SCHIP1: variants seen among roughly 807,000 people sequenced by gnomAD.
SCHIP1 encodes schwannomin interacting protein 1, also known as schwannomin-interacting protein 1.
A neutral mutation model predicts 29.7 loss-of-function variants in SCHIP1; 8 were observed. The observed-to-expected ratio is 0.27, with a 90% confidence interval of 0.16 to 0.49. SCHIP1 has a LOEUF of 0.49. Ranked by LOEUF, SCHIP1 falls within the 20% of genes least tolerant of loss-of-function variation. The probability of loss-of-function intolerance (pLI) is 0.99; values close to 1 mark genes in which losing one functional copy is unlikely to be tolerated. For synonymous variants in SCHIP1, 76 were observed against 94.9 expected, an observed-to-expected ratio of 0.80 and a Z score of 1.16; for missense variants, 193 against 294.6, an observed-to-expected ratio of 0.66 and a Z score of 2.52.
the SCHIP1 span, among the ~76,000 whole-genome samples, chr3:159,696,317 A>G: frequency 1.3e-5 from 2 of 152,092 alleles, no homozygotes; most frequent in African/African-American, 4.8e-5. Flanking sequence ...ATTATCTCAC[A>G]TACACTGACT....
At chr3:159,594,892 G>A in the SCHIP1 span, among the ~76,000 whole-genome samples, 2 of 152,162 alleles carry the variant, frequency 1.3e-5, no homozygotes, top group African/African-American at 2.4e-5. Flanking sequence ...CTGTAGAGAT[G>A]AAAACTGGGA....
the SCHIP1 span, among the ~76,000 whole-genome samples, chr3:159,484,680 G>GA: frequency 2.5e-4 from 38 of 150,772 alleles, no homozygotes; most frequent in Admixed American, 1.3e-3. Flanking sequence ...CTTCTGTGAG[G>GA]AAAAAAAAAC....
At chr3:159,334,125 G>C in the SCHIP1 span, among the ~76,000 whole-genome samples, 2 of 152,074 alleles carry the variant, frequency 1.3e-5, no homozygotes, top group African/African-American at 4.8e-5. Context: ...AAAGCCACAA[G>C]AAAATATGTC....
chr3:159,849,457 AC>A lies in SCHIP1; in HGVS notation c.30+9244del, dbSNP rs1170465383. ...TCGATTATAGGTTTCTAAGTGGACT[AC>A]GACATTAACCCAGATAAGAATGAAA... On this transcript the variant is annotated intron_variant, in intron 1 of 6. Coordinates refer to ENST00000445224, the Ensembl canonical transcript of SCHIP1. Among the ~76,000 whole-genome samples, 4 of 152,334 alleles carry A rather than the reference AC, an allele frequency of 2.6e-5. No individual in the cohort carries two copies. In the East Asian group the frequency reaches 7.7e-4, roughly 29 times the overall value.
the SCHIP1 span, among the ~76,000 whole-genome samples, chr3:159,744,857 C>T: frequency 2.0e-4 from 31 of 152,234 alleles, no homozygotes; most frequent in East Asian, 1.4e-3. Flanking sequence ...TGGTGGCAGG[C>T]GCCTGTAGTC....
the SCHIP1 span, among the ~76,000 whole-genome samples, chr3:159,788,163 A>T: frequency 6.6e-6 from 1 of 152,110 alleles, no homozygotes; most frequent in Non-Finnish European, 1.5e-5. Flanking sequence ...GGGAGTAGAG[A>T]TGAGTGTCGG....
the SCHIP1 span, among the ~76,000 whole-genome samples, chr3:159,471,468 A>G: frequency 6.6e-6 from 1 of 152,130 alleles, no homozygotes; most frequent in East Asian, 1.9e-4. Flanking sequence ...TTACATATCA[A>G]CTTTAGATAA....
At chr3:159,767,463 G>A in the SCHIP1 span, among the ~76,000 whole-genome samples, 1 of 152,154 alleles carries the variant, frequency 6.6e-6, no homozygotes, top group African/African-American at 2.4e-5. Context: ...GACAGAAACC[G>A]GAGAAGAACA....
At chr3:159,837,593 C>T (rs528167952), upstream of SCHIP1, among the ~76,000 whole-genome samples, 31 of 152,134 alleles carry the variant, frequency 2.0e-4, no homozygotes, top group South Asian at 1.9e-3. Flanking sequence ...CGTGGTGGTG[C>T]GCCCCTGTAG....
the SCHIP1 span, among the ~76,000 whole-genome samples, chr3:159,630,578 A>G: frequency 6.6e-6 from 1 of 151,464 alleles, no homozygotes; most frequent in South Asian, 2.1e-4. Context: ...GAAGTAACTC[A>G]GGAATGGAAA....
chr3:159,706,998 G>T, the SCHIP1 span, among the ~76,000 whole-genome samples: 2 of 152,318 alleles, frequency 1.3e-5, no homozygotes, highest in East Asian at 3.9e-4. Flanking sequence ...AACAAAATGA[G>T]ACATGGCCTC....
the SCHIP1 span, among the ~76,000 whole-genome samples, chr3:159,518,245 C>T: frequency 5.7e-4 from 87 of 152,016 alleles, 2 homozygotes; most frequent in South Asian, 7.5e-3. Flanking sequence ...AATAAAAACA[C>T]ACCTATGAAA....
chr3:159,341,235 C>T, the SCHIP1 span, among the ~76,000 whole-genome samples: 4 of 150,886 alleles, frequency 2.7e-5, no homozygotes, highest in African/African-American at 9.7e-5. Context: ...CGCCTTACTG[C>T]CCTATGCTCT....
At chr3:159,764,673 G>C in the SCHIP1 span, 3 of 1,589,148 alleles carry the variant, frequency 1.9e-6, no homozygotes, top group African/African-American at 1.3e-5. This position sits in a 1 kb window ranked among gnomAD's most constrained non-coding sequence, Gnocchi z 6.1. Flanking sequence ...AGGAGGACGG[G>C]GAGGAGGAGG....
the SCHIP1 span, among the ~76,000 whole-genome samples, chr3:159,788,882 A>G: frequency 7.2e-5 from 11 of 152,316 alleles, no homozygotes; most frequent in African/African-American, 2.4e-4. Flanking sequence ...ATCTGTAATT[A>G]AAAAATCTGA....
the SCHIP1 span, among the ~76,000 whole-genome samples, chr3:159,502,314 A>T: frequency 6.6e-6 from 1 of 152,138 alleles, no homozygotes; most frequent in Non-Finnish European, 1.5e-5. Context: ...GGGACCTGAG[A>T]GAGGCCACTG....
the SCHIP1 span, among the ~76,000 whole-genome samples, chr3:159,670,742 T>G: frequency 6.6e-5 from 10 of 152,144 alleles, no homozygotes; most frequent in Non-Finnish European, 1.2e-4. Context: ...AAGAATTCTG[T>G]GCATTACTAC....
At chr3:159,312,120 C>T in the SCHIP1 span, among the ~76,000 whole-genome samples, 67 of 152,196 alleles carry the variant, frequency 4.4e-4, 1 homozygote, top group South Asian at 1.5e-3. Flanking sequence ...TTTCTAGACA[C>T]GACATACAGT....
the SCHIP1 span, among the ~76,000 whole-genome samples, chr3:159,337,100 T>G: frequency 6.6e-6 from 1 of 152,150 alleles, no homozygotes; most frequent in African/African-American, 2.4e-5. Context: ...AAGAAAACCA[T>G]GATTATCTCA....
Sources: allele counts gnomAD v4.1 joint callset (sites outside exome capture counted in the v4.1 genomes callset), GRCh38; gene constraint gnomAD v4.1.1; non-coding constraint Gnocchi (gnomAD v3.1); transcripts MANE v1.5; gene names NCBI Gene and HGNC (gene_info 2026-07-23, HGNC 2026-07-21).